Variants in ZBBX observed in about 807,000 individuals in gnomAD.
ZBBX encodes zinc finger B-box domain-containing protein 1.
A neutral mutation model predicts 108.5 loss-of-function variants in ZBBX; 101 were observed. That is an observed-to-expected ratio of 0.93 (90% CI 0.79 to 1.10). The LOEUF (loss-of-function observed/expected upper bound fraction) is 1.10. Ranked by LOEUF, ZBBX falls within the 50% of genes least tolerant of loss-of-function variation. ZBBX has a pLI of 0.00. For missense variants in ZBBX, 1,009 were observed against 941.4 expected (o/e 1.07, Z -0.94); for synonymous variants, 356 against 323.4 (o/e 1.10, Z -1.08).
At chr3:167,223,319 T>C in the ZBBX span, among the ~76,000 whole-genome samples, 1 of 151,980 alleles carries the variant, frequency 6.6e-6, no homozygotes, top group African/African-American at 2.4e-5. Flanking sequence ...AAATCTAAAA[T>C]TATCTGCATA....
chr3:167,387,002 C>T (rs1416972118), intron 1 of ZBBX, among the ~76,000 whole-genome samples: 1 of 151,918 alleles, frequency 6.6e-6, no homozygotes, highest in Non-Finnish European at 1.5e-5. Context: ...ACTGCCTTAC[C>T]TTTGGGAAAG....
chr3:167,179,200 A>G, the ZBBX span, among the ~76,000 whole-genome samples: 1 of 152,348 alleles, frequency 6.6e-6, no homozygotes, highest in African/African-American at 2.4e-5. Flanking sequence ...ATGAGGGAAC[A>G]TGGGTGACAC....
In ZBBX at chr3:167,258,665, G is replaced by A. The variant is rs147086043; in HGVS notation, c.2255-16022C>T. Among the ~76,000 whole-genome samples the A allele has an allele frequency of 1.1e-4, 17 of 152,166 alleles. No individual in the cohort carries two copies. In the East Asian group the frequency reaches 2.1e-3, roughly 19 times the overall value. On this transcript the variant is annotated intron_variant, in intron 20 of 21. Transcript: ENST00000675490. Reference sequence around the variant, plus strand: ...ATGTCCCTTGTTTGCTGATTTTGCCGAGAGTTTTAATCATAAAGGGATGCT... The same window carrying A: ...ATGTCCCTTGTTTGCTGATTTTGCCAAGAGTTTTAATCATAAAGGGATGCT...
chr3:167,271,670 T>C (rs1449058885), intron 20 of ZBBX, among the ~76,000 whole-genome samples: 1 of 152,094 alleles, frequency 6.6e-6, no homozygotes, highest in African/African-American at 2.4e-5. Flanking sequence ...AAACAAGTCA[T>C]GGACAGTTGC....
intron 10 of ZBBX, among the ~76,000 whole-genome samples, chr3:167,330,206 G>GA (rs1291788795): frequency 7.9e-5 from 12 of 151,514 alleles, no homozygotes; most frequent in South Asian, 2.1e-4. Flanking sequence ...AAAGTTAAGT[G>GA]AAAAAAAATG....
the ZBBX span, among the ~76,000 whole-genome samples, chr3:167,216,018 A>G: frequency 6.6e-6 from 1 of 152,200 alleles, no homozygotes; most frequent in African/African-American, 2.4e-5. Context: ...CACAGCCAAC[A>G]TTATACTGAG....
At chr3:167,329,829 G>T (rs1738113477) in intron 10 of ZBBX, among the ~76,000 whole-genome samples, 1 of 152,144 alleles carries the variant, frequency 6.6e-6, no homozygotes, top group South Asian at 2.1e-4. Flanking sequence ...TAAAACCATT[G>T]TAAAGTCCCA....
At chr3:167,234,420 G>A in the ZBBX span, among the ~76,000 whole-genome samples, 1 of 151,854 alleles carries the variant, frequency 6.6e-6, no homozygotes, top group African/African-American at 2.4e-5. Context: ...AAGAGATGTG[G>A]AATGTGTTTT....
At chr3:167,384,028 A>C (rs949711796), upstream of ZBBX, among the ~76,000 whole-genome samples, 6 of 152,100 alleles carry the variant, frequency 3.9e-5, no homozygotes, top group African/African-American at 9.7e-5. Context: ...AAGCACTTTG[A>C]ATGTTACCCT....
chr3:167,375,056 C>A (rs1746733107), intron 2 of ZBBX, among the ~76,000 whole-genome samples: 1 of 152,132 alleles, frequency 6.6e-6, no homozygotes, highest in Admixed American at 6.5e-5. Context: ...TATTCTGTAG[C>A]TAACAAGAGT....
chr3:167,203,956 A>C, the ZBBX span, among the ~76,000 whole-genome samples: 1 of 152,150 alleles, frequency 6.6e-6, no homozygotes, highest in East Asian at 1.9e-4. Flanking sequence ...TCTCTAGCAT[A>C]ATGCTGTCAA....
At chr3:167,183,179 C>T in the ZBBX span, among the ~76,000 whole-genome samples, 1 of 152,176 alleles carries the variant, frequency 6.6e-6, no homozygotes, top group Non-Finnish European at 1.5e-5. Context: ...GCTCTGTCAC[C>T]TCTTCTGTTA....
intron 1 of ZBBX, among the ~76,000 whole-genome samples, chr3:167,401,745 T>C (rs868148294): frequency 2.0e-5 from 3 of 152,166 alleles, no homozygotes; most frequent in South Asian, 2.1e-4. Flanking sequence ...ACCTGTATCT[T>C]CTGCCAACCT....
At chr3:167,292,434 C>T (rs1380049370) in intron 18 of ZBBX, among the ~76,000 whole-genome samples, 1 of 152,142 alleles carries the variant, frequency 6.6e-6, no homozygotes, top group Non-Finnish European at 1.5e-5. Flanking sequence ...AACTGAACAA[C>T]CTGCTCCTGA....
the ZBBX span, among the ~76,000 whole-genome samples, chr3:167,206,465 A>G: frequency 3.3e-5 from 5 of 152,102 alleles, no homozygotes; most frequent in Admixed American, 1.3e-4. Context: ...AGATATCTCT[A>G]CAAAATGCTG....
intron 19 of ZBBX, among the ~76,000 whole-genome samples, chr3:167,283,259 C>T (rs946141671): frequency 2.0e-5 from 3 of 152,134 alleles, no homozygotes; most frequent in African/African-American, 4.8e-5. Context: ...CTTATACTAA[C>T]ACAACATAAC....
chr3:167,324,937 C>T (rs1011252863), intron 11 of ZBBX, among the ~76,000 whole-genome samples: 2 of 152,132 alleles, frequency 1.3e-5, no homozygotes, highest in African/African-American at 4.8e-5. Context: ...TACAGCATCT[C>T]AATCTCATAA....
chr3:167,200,913 G>A, the ZBBX span, among the ~76,000 whole-genome samples: 16 of 152,228 alleles, frequency 1.1e-4, no homozygotes, highest in Non-Finnish European at 2.2e-4. Flanking sequence ...TTGGAATTGG[G>A]CCTTACAAGA....
chr3:167,248,748 G>A (rs755570858), intron 20 of ZBBX: 40 of 430,216 alleles, frequency 9.3e-5, no homozygotes, highest in South Asian at 4.1e-4. Flanking sequence ...CCCACCTCAC[G>A]GAAGGAGGCC....
Sources: gnomAD v4.1 joint callset for allele counts (sites outside exome capture counted in the v4.1 genomes callset) on GRCh38, gnomAD v4.1.1 for gene constraint, MANE v1.5 for transcripts, NCBI Gene and HGNC (gene_info 2026-07-23, HGNC 2026-07-21) for gene names.